The following LONRF1 variants were observed in gnomAD, a reference collection of about 807,000 sequenced individuals.
LONRF1 encodes LON peptidase N-terminal domain and ring finger 1, also known as LON peptidase N-terminal domain and RING finger protein 1.
A neutral mutation model predicts 85.8 loss-of-function variants in LONRF1; 37 were observed. The ratio of observed to expected loss-of-function variants is 0.43; its 90% CI spans 0.33 to 0.57. The LOEUF is 0.57. Among genes scored for constraint, LONRF1 ranks in the 20% least tolerant of loss-of-function variants. LONRF1 has a pLI of 0.04. For missense variants in LONRF1, 1,036 were observed against 978.0 expected (o/e 1.06, Z -0.79); for synonymous variants, 517 against 390.1 (o/e 1.33, Z -3.83).
rs746735668 is a variant in LONRF1 at position 12,731,798 on chromosome 8, A to G, written c.1626T>C (p.Tyr542=). ...TQLLEELIVK[Y]LPDELSERKK... ...TTCTCTCAGACAGTTCATCAGGCAG[A>G]TACTTCACTATTAATTCTTCCAACA... The change falls in exon 8 of 12, where the codon TAT becomes TAC. Residue 542 remains tyrosine, a synonymous_variant. Transcript: ENST00000398246. 8 of 1,612,688 alleles carry G rather than the reference A, an allele frequency of 5.0e-6. No homozygotes were observed. The highest frequency in any genetic ancestry group is 6.8e-6 in the Non-Finnish European group (8 of 1,178,834).
intron 1 of LONRF1, among the ~76,000 whole-genome samples, chr8:12,744,704 G>A (rs1302114468): frequency 1.3e-5 from 2 of 152,136 alleles, no homozygotes; most frequent in South Asian, 2.1e-4. Context: ...CTAAGAACAA[G>A]TAGTAAAAGC....
intron 1 of LONRF1, among the ~76,000 whole-genome samples, chr8:12,749,139 T>G (rs910535211): frequency 2.0e-5 from 3 of 152,224 alleles, no homozygotes; most frequent in African/African-American, 7.2e-5. Flanking sequence ...CTATAATAAT[T>G]GTTGATAACA....
chr8:12,728,750 C>T (rs1029871588), intron 10 of LONRF1, 151 bp downstream of exon 10: 6 of 777,142 alleles, frequency 7.7e-6, no homozygotes, highest in Non-Finnish European at 1.0e-5. Flanking sequence ...GAGCAAGATA[C>T]GAAAAAGGTA....
chr8:12,725,116 C>T (rs1370949390), intron 11 of LONRF1, among the ~76,000 whole-genome samples: 1 of 152,204 alleles, frequency 6.6e-6, no homozygotes, highest in East Asian at 1.9e-4. Context: ...TTCTTTTATG[C>T]CTCCTGCAGT....
chr8:12,735,474 A>G (rs768118309), intron 6 of LONRF1, 74 bp from the exon 7 acceptor site: 87 of 914,010 alleles, frequency 9.5e-5, no homozygotes, highest in Admixed American at 1.6e-4. Flanking sequence ...CTTTAGAACC[A>G]TAACACTAAT....
At chr8:12,731,086 C>T (rs1440265239) in intron 8 of LONRF1, among the ~76,000 whole-genome samples, 2 of 152,058 alleles carry the variant, frequency 1.3e-5, no homozygotes, top group African/African-American at 2.4e-5. Flanking sequence ...GGGAGAAAAA[C>T]GGGAAAGAAA....
intron 1 of LONRF1, among the ~76,000 whole-genome samples, chr8:12,751,368 G>C (rs2117353722): frequency 7.4e-6 from 1 of 134,352 alleles, no homozygotes; most frequent in Admixed American, 8.5e-5. Context: ...GTGCAGTGGT[G>C]TGGTCTCAGC....
At chr8:12,750,313 G>C (rs1018576771) in intron 1 of LONRF1, among the ~76,000 whole-genome samples, 2 of 152,206 alleles carry the variant, frequency 1.3e-5, no homozygotes, top group African/African-American at 4.8e-5. Context: ...AAATAAGTTA[G>C]CAAGAGCCTC....
chr8:12,728,372 C>T (rs1199855923), intron 10 of LONRF1, among the ~76,000 whole-genome samples: 2 of 152,166 alleles, frequency 1.3e-5, no homozygotes, highest in Non-Finnish European at 2.9e-5. Flanking sequence ...GGTCTTCACA[C>T]AGCATTCAAC....
chr8:12,751,296 GT>G (rs869038024), intron 1 of LONRF1, among the ~76,000 whole-genome samples: 136 of 69,528 alleles, frequency 2.0e-3, no homozygotes, highest in Middle Eastern at 0.011. Context: ...TTATTTTTAT[GT>G]TTTTTTTTTT....
intron 8 of LONRF1, 129 bp from the exon 9 acceptor site, chr8:12,729,461 A>C: frequency 1.1e-6 from 1 of 921,090 alleles, no homozygotes; most frequent in Non-Finnish European, 1.6e-6. Flanking sequence ...GTTCTAAATA[A>C]GGTGGTTTTT....
intron 1 of LONRF1, among the ~76,000 whole-genome samples, chr8:12,746,545 T>C (rs1192002601): frequency 6.6e-6 from 1 of 152,212 alleles, no homozygotes; most frequent in Non-Finnish European, 1.5e-5. Flanking sequence ...AAGAGCATGA[T>C]CTGGCTCTTC....
At chr8:12,725,269 T>C (rs1000721249) in intron 11 of LONRF1, among the ~76,000 whole-genome samples, 10 of 152,122 alleles carry the variant, frequency 6.6e-5, no homozygotes, top group African/African-American at 1.4e-4. Flanking sequence ...ATTGAAGTGG[T>C]TGGGTCAAAT....
intron 10 of LONRF1, 110 bp downstream of exon 10, chr8:12,728,791 G>C: frequency 8.3e-7 from 1 of 1,201,284 alleles, no homozygotes; most frequent in South Asian, 1.4e-5. Context: ...ACAGTGGTAA[G>C]GCTGTCTGAT....
chr8:12,742,750 T>TC lies in LONRF1; in HGVS notation c.840+413_840+414insG, dbSNP rs969045225. On this transcript the variant is annotated intron_variant, in intron 2 of 11. Transcript: ENST00000398246. ...CACTCAAAATATTGAACCTAGATTTTTTTTGAGACAGGGTCTGACACCAAG... is the reference window on the plus strand; with the variant it reads ...CACTCAAAATATTGAACCTAGATTTTCTTTTGAGACAGGGTCTGACACCAAG... Among the ~76,000 whole-genome samples, 454 of 151,828 alleles carry TC rather than the reference T, an allele frequency of 3.0e-3. 4 individuals are homozygous for TC. Among genetic ancestry groups the TC allele is most frequent in the African/African-American group, 0.011 (440 of 41,422 alleles).
chr8:12,736,701 C>T lies in LONRF1; in HGVS notation c.1451G>A (p.Arg484Lys). The T allele has an allele frequency of 6.3e-7, 1 of 1,596,122 alleles. No individual in the cohort carries two copies. Among genetic ancestry groups the T allele is most frequent in the Non-Finnish European group, 8.6e-7 (1 of 1,168,902 alleles). The change falls in exon 6 of 12, where the codon AGG (arginine) becomes AAG (lysine). Residue 484 changes from arginine (R) to lysine (K), a missense_variant and splice_region_variant. Coordinates refer to ENST00000398246, the MANE Select transcript of LONRF1 (RefSeq NM_152271.5). Reference sequence around the variant, plus strand: ...CTTCTATAAAGTTTTATATGCTTACCTCATGCAGAGAGAACACTCGAAATC... The same window carrying T: ...CTTCTATAAAGTTTTATATGCTTACTTCATGCAGAGAGAACACTCGAAATC... ...VSDFECSLCM[R>K]LFFEPVTTPC...
At chr8:12,737,942 C>A in intron 4 of LONRF1, 53 bp downstream of exon 4, 3 of 1,543,374 alleles carry the variant, frequency 1.9e-6, no homozygotes, top group Non-Finnish European at 2.6e-6. Context: ...AAGCTCTTAA[C>A]TCGTAAAGAA....
intron 7 of LONRF1, 44 bp downstream of exon 7, chr8:12,735,242 G>C: frequency 7.6e-7 from 1 of 1,318,292 alleles, no homozygotes; most frequent in Non-Finnish European, 1.1e-6. Flanking sequence ...AAACCATGCT[G>C]CCAAACTTAA....
chr8:12,735,458 G>C (rs901557062), intron 6 of LONRF1, 58 bp from the exon 7 acceptor site: 1 of 1,093,532 alleles, frequency 9.1e-7, no homozygotes, highest in African/African-American at 1.6e-5. Context: ...TGAAAAGCTT[G>C]TACTACTTTA....
Sources: allele counts gnomAD v4.1 joint callset (sites outside exome capture counted in the v4.1 genomes callset), GRCh38; gene constraint gnomAD v4.1.1; transcripts MANE v1.5; gene names NCBI Gene and HGNC (gene_info 2026-07-23, HGNC 2026-07-21).